DPY19L3: variants seen among roughly 807,000 people sequenced by gnomAD.
DPY19L3 encodes protein C-mannosyl-transferase DPY19L3.
A neutral mutation model predicts 92.3 loss-of-function variants in DPY19L3; 51 were observed. The observed-to-expected ratio is 0.55, with a 90% CI of 0.44 to 0.70. The LOEUF (loss-of-function observed/expected upper bound fraction) is 0.70, where lower values mean the gene tolerates loss of function less well. Among genes scored for constraint, DPY19L3 ranks in the 30% least tolerant of loss-of-function variants. The probability of loss-of-function intolerance (pLI) is 0.00; values close to 1 mark genes in which losing one functional copy is unlikely to be tolerated. For missense variants in DPY19L3, 706 were observed against 855.9 expected, an observed-to-expected ratio of 0.82 and a Z score of 2.18; for synonymous variants, 309 against 315.2, an observed-to-expected ratio of 0.98 and a Z score of 0.21.
At chr19:32,440,581 T>G (rs1969291336) in intron 8 of DPY19L3, among the ~76,000 whole-genome samples, 1 of 152,184 alleles carries the variant, frequency 6.6e-6, no homozygotes, top group Admixed American at 6.5e-5. Context: ...TTATTCCATA[T>G]CAAAGGAGAT....
intron 3 of DPY19L3, among the ~76,000 whole-genome samples, chr19:32,413,628 T>A (rs1045042569): frequency 2.5e-5 from 3 of 121,454 alleles, no homozygotes; most frequent in Admixed American, 1.0e-4. Flanking sequence ...GTCCCCAGAG[T>A]GTGATGTTCC....
At chr19:32,441,494 C>CTTTTTTTTT (rs11326098) in intron 8 of DPY19L3, among the ~76,000 whole-genome samples, 3 of 130,212 alleles carry the variant, frequency 2.3e-5, no homozygotes, top group Non-Finnish European at 4.8e-5. Flanking sequence ...ACATGTGTCT[C>CTTTTTTTTT]TTTTTTTTTT....
At chr19:32,472,058 G>A (rs577423599) in intron 16 of DPY19L3, among the ~76,000 whole-genome samples, 1 of 152,136 alleles carries the variant, frequency 6.6e-6, no homozygotes, top group Non-Finnish European at 1.5e-5. Flanking sequence ...CCTCGCCTCA[G>A]CACAATTGCC....
chr19:32,466,942 G>A (rs2145608607), intron 15 of DPY19L3, among the ~76,000 whole-genome samples: 2 of 152,342 alleles, frequency 1.3e-5, no homozygotes, highest in Middle Eastern at 3.4e-3. Flanking sequence ...TTACCTGTAA[G>A]TAATGTGAAT....
In DPY19L3 at chr19:32,483,899, C is replaced by T. The variant is rs1970735911; in HGVS notation, c.*1659C>T. The T allele has an allele frequency of 6.6e-6, 1 of 152,600 alleles. No homozygotes were observed. Among genetic ancestry groups the T allele is most frequent in the African/African-American group, 2.4e-5 (1 of 41,446 alleles). The allele number at this position is 152,600 out of a possible 1,614,324, so 9.5% of individuals were successfully genotyped here. ...AGCTGACAGCATGGGTCAGTACATCCTTCAGCGAGTGCCTTACTCTAATTG... is the reference window on the plus strand; with the variant it reads ...AGCTGACAGCATGGGTCAGTACATCTTTCAGCGAGTGCCTTACTCTAATTG... On this transcript the variant is annotated 3_prime_UTR_variant, in exon 19 of 19. Coordinates refer to ENST00000392250, the MANE Select transcript of DPY19L3 (RefSeq NM_001172774.2).
At chr19:32,468,890 G>A (rs1282243379) in intron 16 of DPY19L3, 77 bp downstream of exon 16, 11 of 1,399,650 alleles carry the variant, frequency 7.9e-6, no homozygotes, top group African/African-American at 1.5e-5. Context: ...CGTTTTGGGG[G>A]TTTTTTGTTT....
chr19:32,411,414 A>G lies in DPY19L3; in HGVS notation c.237+42A>G, dbSNP rs112919850. On this transcript the variant is annotated intron_variant, in intron 3 of 18. Coordinates refer to ENST00000392250, the MANE Select transcript of DPY19L3 (RefSeq NM_001172774.2). ...ACCATTGTATCATTCACTCAGTGGG[A>G]TCTCCAGTAGTAAGCCATGTGGATG... 27 of 1,609,476 alleles carry G rather than the reference A, an allele frequency of 1.7e-5. 1 individual carries two copies. The African/African-American group carries it at 2.3e-4, about 14-fold the overall frequency.
At chr19:32,457,995 C>T (rs1442744287) in intron 10 of DPY19L3, 105 bp from the exon 11 acceptor site, 13 of 820,386 alleles carry the variant, frequency 1.6e-5, no homozygotes, top group African/African-American at 3.5e-5. Flanking sequence ...TACACCCACA[C>T]GCTCCTGTGA....
intron 4 of DPY19L3, among the ~76,000 whole-genome samples, chr19:32,435,361 T>C (rs985745931): frequency 4.6e-5 from 7 of 152,208 alleles, no homozygotes; most frequent in African/African-American, 1.7e-4. Flanking sequence ...CACCTCCTAT[T>C]GAGGAACATC....
At chr19:32,449,282 A>G (rs1969620242) in intron 8 of DPY19L3, among the ~76,000 whole-genome samples, 1 of 152,214 alleles carries the variant, frequency 6.6e-6, no homozygotes, top group South Asian at 2.1e-4. Context: ...TTAAACGCCT[A>G]GATTGGAAAG....
chr19:32,471,274 A>G (rs1599671670), intron 16 of DPY19L3, among the ~76,000 whole-genome samples: 1 of 152,334 alleles, frequency 6.6e-6, no homozygotes, highest in East Asian at 1.9e-4. Flanking sequence ...GCAGAGAACC[A>G]GCACTGTCCC....
Position 32,482,134 on chromosome 19 carries a change from G to A in DPY19L3, c.2045G>A (p.Arg682His), listed in dbSNP as rs1970691828. ...GATTTGAAACCTGCAGACCACCCTC[G>A]CTTCTGTGAAGAGATCAAAAGAAAC... ...DPDLKPADHP[R>H]FCEEIKRNLP... Residue 682 changes from arginine to histidine, a missense_variant, in exon 19 of 19, where the codon CGC becomes CAC. Coordinates refer to ENST00000392250, the MANE Select transcript of DPY19L3 (RefSeq NM_001172774.2). 2.5e-6 allele frequency: 4 copies of A among 1,613,778 alleles called. No homozygotes were observed. The highest frequency in any genetic ancestry group is 3.4e-6 in the Non-Finnish European group (4 of 1,179,840).
intron 8 of DPY19L3, among the ~76,000 whole-genome samples, chr19:32,447,445 C>T (rs1336858540): frequency 1.3e-5 from 2 of 152,070 alleles, no homozygotes; most frequent in Admixed American, 6.6e-5. Flanking sequence ...TGGTCGGGCA[C>T]GGTGGCTCTG....
intron 3 of DPY19L3, among the ~76,000 whole-genome samples, chr19:32,417,660 T>A (rs1262579992): frequency 6.6e-6 from 1 of 152,204 alleles, no homozygotes; most frequent in Admixed American, 6.5e-5. Flanking sequence ...CGTCACACAC[T>A]GTCTGCCTGC....
At chr19:32,462,798 A>G (rs1970080199) in intron 12 of DPY19L3, among the ~76,000 whole-genome samples, 1 of 152,258 alleles carries the variant, frequency 6.6e-6, no homozygotes, top group African/African-American at 2.4e-5. Flanking sequence ...CAGGGAAAAT[A>G]GAACATGAAC....
intron 3 of DPY19L3, among the ~76,000 whole-genome samples, chr19:32,413,593 C>T (rs1335371994): frequency 6.9e-6 from 1 of 144,144 alleles, no homozygotes; most frequent in Non-Finnish European, 1.5e-5. Context: ...TATGCTATCC[C>T]TCCCCCTCCC....
At chr19:32,406,125 A>G (rs1967934022) in intron 1 of DPY19L3, 1 of 151,884 alleles carries the variant, frequency 6.6e-6, no homozygotes. Flanking sequence ...CGGAAGGACC[A>G]AGTTTGCGGA....
rs1258060945 is a variant in DPY19L3, at chr19:32,439,343, C to T, written c.720+108C>T. The T allele has an allele frequency of 8.6e-6, 10 of 1,167,170 alleles. No individual in the cohort carries two copies. In the African/African-American group the frequency reaches 1.5e-4, roughly 18 times the overall value. The allele number at this position is 1,167,170 out of a possible 1,614,324, so 72.3% of individuals were successfully genotyped here. On this transcript the variant is annotated intron_variant, in intron 7 of 18. Transcript: ENST00000392250. The stretch of plus-strand genomic sequence containing the variant: ...CAATGCATGTGAATAGTTCTTATTC[C>T]ATGACCAATTTTTAAACTTGAGTTA...
At position 32,464,793 on chromosome 19, in the gene DPY19L3, G is replaced by C; in HGVS notation, c.1614+9G>C. 1 of 1,502,624 alleles carries C rather than the reference G, an allele frequency of 6.7e-7. No homozygotes were observed. Among genetic ancestry groups the C allele is most frequent in the South Asian group, 1.3e-5 (1 of 77,786 alleles). The allele number at this position is 1,502,624 out of a possible 1,614,324, so 93.1% of individuals were successfully genotyped here. A position where few individuals can be genotyped will look rare whatever the true frequency, so the allele number is the denominator to read the frequency against. ...TGTATCTATGCTATAAGGTAAGACT[G>C]ATTTTCCTCATTCTTGTCATTCATG... On this transcript the variant is annotated intron_variant, in intron 15 of 18. Coordinates refer to ENST00000392250, the MANE Select transcript of DPY19L3 (RefSeq NM_001172774.2).
Sources: gnomAD v4.1 joint callset for allele counts (sites outside exome capture counted in the v4.1 genomes callset) on GRCh38, gnomAD v4.1.1 for gene constraint, MANE v1.5 for transcripts, NCBI Gene and HGNC (gene_info 2026-07-23, HGNC 2026-07-21) for gene names.